Variants in REV3L observed in about 807,000 individuals in gnomAD.
The protein encoded by REV3L is DNA polymerase zeta catalytic subunit.
Under a neutral mutation model 299.4 loss-of-function variants are expected in REV3L, and 69 were observed. That is an observed-to-expected ratio of 0.23 (90% CI 0.19 to 0.28). The LOEUF (loss-of-function observed/expected upper bound fraction) is 0.28. REV3L is among the 10% of genes least tolerant of loss of function. REV3L has a pLI of 1.00. For synonymous variants in REV3L, 1,238 were observed against 1,271.4 expected (o/e 0.97, Z 0.56); for missense variants, 3,128 against 3,693.8 (o/e 0.85, Z 3.97).
intron 25 of REV3L, among the ~76,000 whole-genome samples, chr6:111,324,400 T>C (rs879779596): frequency 2.0e-5 from 3 of 152,232 alleles, no homozygotes; most frequent in Non-Finnish European, 4.4e-5. Context: ...AATCATGTTA[T>C]CTAATGGAAA....
intron 31 of REV3L, among the ~76,000 whole-genome samples, chr6:111,303,338 A>G (rs535581129): frequency 1.9e-4 from 28 of 149,778 alleles, no homozygotes; most frequent in South Asian, 1.3e-3. Flanking sequence ...TGCCTGGCTA[A>G]TTTTAAATTT....
intron 3 of REV3L, among the ~76,000 whole-genome samples, chr6:111,410,312 AACTT>A (rs1204850338): frequency 2.0e-5 from 3 of 152,256 alleles, no homozygotes; most frequent in Non-Finnish European, 2.9e-5. Context: ...ATTTAAAGCA[AACTT>A]ACTGAGAACA....
At chr6:111,329,499 CTT>C (rs1257912006) in intron 25 of REV3L, 31 bp downstream of exon 25, 4 of 1,604,982 alleles carry the variant, frequency 2.5e-6, no homozygotes, top group South Asian at 1.1e-5. Flanking sequence ...ATTTTAGTCT[CTT>C]TTGAAAAAAC....
chr6:111,388,260 T>C lies in REV3L; in HGVS notation c.863-175A>G, dbSNP rs1781543934. Among the ~76,000 whole-genome samples the C allele has an allele frequency of 2.6e-5, 4 of 152,156 alleles. No homozygotes were observed. In the South Asian group the frequency reaches 8.3e-4, roughly 31 times the overall value. ...CACACAAAAGAGAAACGGTTGTTAC[T>C]AAAGTTATAAAATTAGGCACTTAAG... On this transcript the variant is annotated intron_variant, in intron 7 of 31. Transcript: ENST00000368802.
intron 1 of REV3L, among the ~76,000 whole-genome samples, chr6:111,468,304 A>G (rs1002486652): frequency 6.6e-6 from 1 of 152,212 alleles, no homozygotes; most frequent in Non-Finnish European, 1.5e-5. Context: ...TATTTATGAA[A>G]TGAAAAAAAG....
chr6:111,463,725 A>C (rs1374773983), intron 1 of REV3L, among the ~76,000 whole-genome samples: 1 of 152,182 alleles, frequency 6.6e-6, no homozygotes, highest in Non-Finnish European at 1.5e-5. Flanking sequence ...ACTTCATTTT[A>C]TTATAACAAT....
intron 1 of REV3L, among the ~76,000 whole-genome samples, chr6:111,424,701 A>G (rs1354392012): frequency 6.6e-6 from 1 of 152,132 alleles, no homozygotes; most frequent in African/African-American, 2.4e-5. Context: ...CCACTATTGG[A>G]CTTGTCTGGC....
intron 30 of REV3L, chr6:111,309,235 C>G (rs1270150159): frequency 6.6e-6 from 1 of 152,244 alleles, no homozygotes; most frequent in African/African-American, 2.4e-5. Context: ...CTTGGTGTAC[C>G]AGAAGAATCC....
chr6:111,349,928 A>G (rs1777422222), intron 19 of REV3L, among the ~76,000 whole-genome samples: 2 of 152,222 alleles, frequency 1.3e-5, no homozygotes, highest in African/African-American at 2.4e-5. Flanking sequence ...CATAGCAAAT[A>G]GCGTTGTGAG....
At chr6:111,318,560 G>A (rs1773787118) in intron 26 of REV3L, among the ~76,000 whole-genome samples, 2 of 152,070 alleles carry the variant, frequency 1.3e-5, no homozygotes, top group Non-Finnish European at 2.9e-5. Flanking sequence ...ATGCAATGAT[G>A]AATGCAACAT....
chr6:111,448,616 T>A (rs1247118279), intron 1 of REV3L, among the ~76,000 whole-genome samples: 1 of 148,866 alleles, frequency 6.7e-6, no homozygotes, highest in Non-Finnish European at 1.5e-5. Flanking sequence ...TGAGCCACTG[T>A]GCCTGGCCAT....
chr6:111,348,075 T>G (rs916596751), intron 20 of REV3L, among the ~76,000 whole-genome samples: 1 of 152,186 alleles, frequency 6.6e-6, no homozygotes, highest in Admixed American at 6.5e-5. Context: ...GTGCTGGGAT[T>G]ACAGGTATGA....
At chr6:111,481,508 CAA>C (rs1472385319) in intron 1 of REV3L, among the ~76,000 whole-genome samples, 1 of 152,102 alleles carries the variant, frequency 6.6e-6, no homozygotes, top group Non-Finnish European at 1.5e-5. Context: ...GACATTTTAA[CAA>C]AGAGAATTCA....
intron 1 of REV3L, among the ~76,000 whole-genome samples, chr6:111,458,250 G>A (rs1790370542): frequency 6.6e-6 from 1 of 152,020 alleles, no homozygotes; most frequent in African/African-American, 2.4e-5. Flanking sequence ...ATCCCTTCAT[G>A]ATAAAACCCC....
Position 111,311,200 on chromosome 6 carries a change from C to T in REV3L, c.8664G>A (p.Gln2888=), listed in dbSNP as rs905083361. 6.2e-7 allele frequency: 1 copy of T among 1,613,662 alleles called. No homozygotes were observed. Among genetic ancestry groups the T allele is most frequent in the Non-Finnish European group, 8.5e-7 (1 of 1,179,778 alleles). The change falls in exon 29 of 32, where the codon CAG becomes CAA. Residue 2888 remains glutamine, a synonymous_variant. Coordinates refer to ENST00000368802, the MANE Select transcript of REV3L (RefSeq NM_001372078.1). ...FETRDISLIK[Q]YVQRQCMKLL... is the part of the protein sequence containing the mutation. ...GCTTCATACATTGTCGCTGAACATA[C>T]TGTTTAATTAGACTTATATCTCTCG...
intron 1 of REV3L, among the ~76,000 whole-genome samples, chr6:111,433,191 G>T (rs559724663): frequency 6.6e-6 from 1 of 151,838 alleles, no homozygotes; most frequent in African/African-American, 2.4e-5. Context: ...AAATAGTAGC[G>T]ATCAAATCAG....
chr6:111,428,914 G>A (rs1367068372), intron 1 of REV3L, among the ~76,000 whole-genome samples: 1 of 152,114 alleles, frequency 6.6e-6, no homozygotes, highest in African/African-American at 2.4e-5. Context: ...TAGATTTGAT[G>A]CAAATAAGAC....
chr6:111,342,022 T>C (rs986661483), intron 21 of REV3L, among the ~76,000 whole-genome samples: 26 of 151,998 alleles, frequency 1.7e-4, no homozygotes, highest in African/African-American at 6.3e-4. Flanking sequence ...AGGCCTACTC[T>C]AGATAAAACT....
At chr6:111,303,165 C>CTTTCTTTCTTTTTTTTTTTTTTTTT (rs4038141) in intron 31 of REV3L, among the ~76,000 whole-genome samples, 1 of 92,342 alleles carries the variant, frequency 1.1e-5, no homozygotes, top group African/African-American at 3.9e-5. Context: ...TCTTTTCTTT[C>CTTTCTTTCTTTTTTTTTTTTTTTTT]TTTTTTTTTT....
Sources: allele counts gnomAD v4.1 joint callset (sites outside exome capture counted in the v4.1 genomes callset), GRCh38; gene constraint gnomAD v4.1.1; transcripts MANE v1.5; gene names NCBI Gene and HGNC (gene_info 2026-07-23, HGNC 2026-07-21).